The following SDR16C5 variants were observed in gnomAD, a reference collection of about 807,000 sequenced individuals.
SDR16C5 encodes the protein short chain dehydrogenase/reductase family 16C member 5.
In SDR16C5, 20 loss-of-function variants were observed where a neutral mutation model predicts 27.7. The observed-to-expected ratio is 0.72, with a 90% CI of 0.51 to 1.05. The LOEUF (loss-of-function observed/expected upper bound fraction) is 1.05. SDR16C5 is among the 50% of genes least tolerant of loss of function. The pLI, the probability that SDR16C5 is intolerant of heterozygous loss-of-function variation, is 0.00. For missense variants in SDR16C5, 374 were observed against 366.3 expected (o/e 1.02, Z -0.17); for synonymous variants, 139 against 132.3 (o/e 1.05, Z -0.35).
At chr8:56,316,866 AG>A (rs1196155386) in intron 1 of SDR16C5, among the ~76,000 whole-genome samples, 2 of 152,124 alleles carry the variant, frequency 1.3e-5, no homozygotes, top group African/African-American at 4.8e-5. Context: ...TTAAAATCTG[AG>A]ATTTGAGAGG....
intron 2 of SDR16C5, 129 bp from the exon 3 acceptor site, chr8:56,312,417 G>T: frequency 1.2e-6 from 1 of 825,492 alleles, no homozygotes; most frequent in Non-Finnish European, 1.9e-6. Flanking sequence ...TAAAAATACA[G>T]CTTGGGGCCA....
rs1178868306 is a variant in SDR16C5, at chr8:56,312,255, T to C, written c.367A>G (p.Ile123Val). Residue 123 changes from isoleucine (I) to valine (V), a missense_variant, in exon 3 of 7, where the codon ATC becomes GTC. Transcript: ENST00000303749. ...CCTGTTACGATTCCGGCATTGTTGA[T>C]TAGGATGGAAACATCGCCGACTTCT... ...KKEVGDVSIL[I>V]NNAGIVTGKK... The C allele has an allele frequency of 6.2e-7, 1 of 1,613,710 alleles. No individual in the cohort carries two copies. Among genetic ancestry groups the C allele is most frequent in the African/African-American group, 1.3e-5 (1 of 75,046 alleles).
intron 6 of SDR16C5, among the ~76,000 whole-genome samples, chr8:56,303,704 T>A (rs1263287333): frequency 6.6e-6 from 1 of 152,212 alleles, no homozygotes; most frequent in African/African-American, 2.4e-5. Flanking sequence ...TCTCAAAACA[T>A]GTCCCATAAC....
intron 1 of SDR16C5, among the ~76,000 whole-genome samples, chr8:56,317,489 A>G (rs535242003): frequency 1.1e-4 from 16 of 152,336 alleles, no homozygotes; most frequent in Non-Finnish European, 1.5e-4. Context: ...CAGACAGCAT[A>G]CTGTGCTGGG....
intron 6 of SDR16C5, among the ~76,000 whole-genome samples, chr8:56,302,245 A>G (rs1401940842): frequency 6.6e-6 from 1 of 152,010 alleles, no homozygotes; most frequent in Non-Finnish European, 1.5e-5. Flanking sequence ...AAAGGAAAGG[A>G]CCCCATGCTC....
intron 6 of SDR16C5, among the ~76,000 whole-genome samples, chr8:56,304,389 C>T (rs146118331): frequency 1.3e-5 from 2 of 152,260 alleles, no homozygotes; most frequent in African/African-American, 4.8e-5. Context: ...AATTAGATGA[C>T]CTGTTACAGT....
At chr8:56,308,422 C>T (rs1014076017) in intron 4 of SDR16C5, among the ~76,000 whole-genome samples, 3 of 152,184 alleles carry the variant, frequency 2.0e-5, no homozygotes. Context: ...ACTGTCAAGT[C>T]AGTTGGTTGT....
rs191890353 is a variant in SDR16C5, at chr8:56,319,005, G to C, written c.-15+1054C>G. On this transcript the variant is annotated intron_variant, in intron 1 of 6. Coordinates refer to ENST00000303749, the MANE Select transcript of SDR16C5 (RefSeq NM_138969.4). ...TCCTCTAAAAAGGGAGTTTCTAATAGTGCATAGGAATACTTACCACACAGA... is the reference window on the plus strand; with the variant it reads ...TCCTCTAAAAAGGGAGTTTCTAATACTGCATAGGAATACTTACCACACAGA... Among the ~76,000 whole-genome samples the C allele has an allele frequency of 2.3e-3, 355 of 151,872 alleles. 3 individuals are homozygous for C. The highest frequency in any genetic ancestry group is 4.3e-3 in the Non-Finnish European group (294 of 67,980).
At chr8:56,317,970 C>T (rs548807593) in intron 1 of SDR16C5, among the ~76,000 whole-genome samples, 2 of 152,020 alleles carry the variant, frequency 1.3e-5, no homozygotes, top group East Asian at 1.9e-4. Flanking sequence ...ATAAACAGAT[C>T]GTTATAAGCC....
chr8:56,301,507 G>T lies in SDR16C5; in HGVS notation c.903C>A (p.Gly301=). ...DYLGILHAMD[G]FVDQKKKL is the part of the protein sequence containing the mutation. Reference sequence around the variant, plus strand: ...AGAGCTTCTTCTTTTGGTCAACAAAGCCATCCATTGCATGAAGGATGCCCA... The same window carrying T: ...AGAGCTTCTTCTTTTGGTCAACAAATCCATCCATTGCATGAAGGATGCCCA... Residue 301 remains glycine (G), a synonymous_variant, in exon 7 of 7, where the codon GGC becomes GGA. Coordinates refer to ENST00000303749, the MANE Select transcript of SDR16C5 (RefSeq NM_138969.4). 6.2e-7 allele frequency: 1 copy of T among 1,614,020 alleles called. No individual in the cohort carries two copies.
At position 56,306,698 on chromosome 8, in the gene SDR16C5, T is replaced by C. The variant is rs1814891567; in HGVS notation, c.688A>G (p.Met230Val). 2.5e-6 allele frequency: 4 copies of C among 1,613,338 alleles called. No homozygotes were observed. Among genetic ancestry groups the C allele is most frequent in the Non-Finnish European group, 3.4e-6 (4 of 1,179,790 alleles). ...IVCPFFIKTGMFEGCTTGCPS... is the reference protein window; with the variant it reads ...IVCPFFIKTGVFEGCTTGCPS... The stretch of plus-strand genomic sequence containing the variant: ...TACCCTGTAGTACAACCTTCAAACA[T>C]TCCAGTTTTTATAAAAAAGGGGCAC... Residue 230 changes from methionine to valine, a missense_variant, in exon 5 of 7, where the codon ATG becomes GTG. Transcript: ENST00000303749.
chr8:56,318,603 C>G (rs1434854734), intron 1 of SDR16C5, among the ~76,000 whole-genome samples: 1 of 152,186 alleles, frequency 6.6e-6, no homozygotes, highest in Non-Finnish European at 1.5e-5. Flanking sequence ...CATAGAGGGA[C>G]AGAGGTCTAC....
chr8:56,306,469 G>T (rs1208339108), intron 5 of SDR16C5, among the ~76,000 whole-genome samples: 1 of 152,124 alleles, frequency 6.6e-6, no homozygotes, highest in Non-Finnish European at 1.5e-5. Flanking sequence ...TGGGGGAGCT[G>T]AGAGACACTG....
At chr8:56,305,277 T>G (rs986389322) in intron 6 of SDR16C5, among the ~76,000 whole-genome samples, 2 of 152,240 alleles carry the variant, frequency 1.3e-5, no homozygotes, top group South Asian at 4.1e-4. Flanking sequence ...TATTTTATCA[T>G]GAGCGCAAGA....
In SDR16C5 at chr8:56,314,360, A is replaced by T. The variant is rs557741360; in HGVS notation, c.333+1655T>A. On this transcript the variant is annotated intron_variant, in intron 2 of 6. Transcript: ENST00000303749. Reference sequence around the variant, plus strand: ...CCACAGTGATAAAACCTGAATAATAAGCTAGTAATATGACATGTTTGGCTG... The same window carrying T: ...CCACAGTGATAAAACCTGAATAATATGCTAGTAATATGACATGTTTGGCTG... 3.9e-5 allele frequency among the ~76,000 whole-genome samples: 6 copies of T among 152,348 alleles called. No homozygotes were observed. In the East Asian group the frequency reaches 1.2e-3, roughly 29 times the overall value.
At chr8:56,302,771 AG>A (rs1374783883) in intron 6 of SDR16C5, among the ~76,000 whole-genome samples, 5 of 150,500 alleles carry the variant, frequency 3.3e-5, no homozygotes, top group African/African-American at 1.2e-4. Flanking sequence ...GCTTGAAGCC[AG>A]GAATTTGAGA....
At position 56,300,131 on chromosome 8, in the gene SDR16C5, C is replaced by G. The variant is rs573773690; in HGVS notation, c.*1349G>C. 1 of 151,648 alleles carries G rather than the reference C, an allele frequency of 6.6e-6. No individual in the cohort carries two copies. The highest frequency in any genetic ancestry group is 2.4e-5 in the African/African-American group (1 of 41,286). The allele number at this position is 151,648 out of a possible 1,614,324, so 9.4% of individuals were successfully genotyped here. Reference sequence around the variant, plus strand: ...CAAATACTTAATTTGCTGCCGGGCACAGTAAATGTTAGTTATGATTGTTAT... The same window carrying G: ...CAAATACTTAATTTGCTGCCGGGCAGAGTAAATGTTAGTTATGATTGTTAT... On this transcript the variant is annotated 3_prime_UTR_variant, in exon 7 of 7. Transcript: ENST00000303749.
At chr8:56,312,114 C>T in intron 3 of SDR16C5, 43 bp downstream of exon 3, 25 of 1,532,388 alleles carry the variant, frequency 1.6e-5, no homozygotes, top group Non-Finnish European at 2.2e-5. Context: ...CTTCCAAATG[C>T]CAGAATAATT....
Position 56,306,674 on chromosome 8 carries a change from AC to A in SDR16C5, c.710+1del. On this transcript the variant is annotated splice_donor_variant, in intron 5 of 6. Transcript: ENST00000303749. LOFTEE classifies it high-confidence loss of function. ...TTCTTTGAAATTAAAGGACATACTT[AC>A]CCTGTAGTACAACCTTCAAACATTC... 1 of 1,602,576 alleles carries A rather than the reference AC, an allele frequency of 6.2e-7. No homozygotes were observed. The highest frequency in any genetic ancestry group is 8.5e-7 in the Non-Finnish European group (1 of 1,176,304).
Sources: allele counts gnomAD v4.1 joint callset (sites outside exome capture counted in the v4.1 genomes callset), GRCh38; gene constraint gnomAD v4.1.1; transcripts MANE v1.5; gene names NCBI Gene and HGNC (gene_info 2026-07-23, HGNC 2026-07-21).